The following UPRT variants were observed in gnomAD, a reference collection of about 807,000 sequenced individuals.
UPRT encodes uracil phosphoribosyltransferase homolog, also known as RP11-311P8.3.
In UPRT, 5 loss-of-function variants were observed where a neutral mutation model predicts 22.6. The observed-to-expected ratio is 0.22, with a 90% CI of 0.12 to 0.47. The LOEUF (loss-of-function observed/expected upper bound fraction) is 0.47. Ranked by LOEUF, UPRT falls within the 20% of genes least tolerant of loss-of-function variation. The pLI is 0.99. For missense variants in UPRT, 181 were observed against 239.9 expected, an observed-to-expected ratio of 0.75 and a Z score of 1.62; for synonymous variants, 77 against 87.7, an observed-to-expected ratio of 0.88 and a Z score of 0.68.
intron 1 of UPRT, among the ~76,000 whole-genome samples, chrX:75,287,724 A>C (rs1347656962): frequency 9.0e-6 from 1 of 111,541 alleles, no homozygotes; most frequent in Non-Finnish European, 1.9e-5. Context: ...TCAAAAAGTT[A>C]AAAAGATCTC....
intron 4 of UPRT, among the ~76,000 whole-genome samples, chrX:75,265,085 C>T (rs984531350): frequency 4.5e-5 from 5 of 111,595 alleles, no homozygotes; most frequent in Admixed American, 2.9e-4. Flanking sequence ...GTGGGTAACC[C>T]GACCTTTCTC....
intron 4 of UPRT, among the ~76,000 whole-genome samples, chrX:75,249,650 G>A (rs1369496137): frequency 5.4e-5 from 6 of 110,680 alleles, no homozygotes; most frequent in South Asian, 3.9e-4. Context: ...AGACAGATCT[G>A]TGAGACAGAA....
At chrX:75,247,929 C>T (rs972164282) in intron 4 of UPRT, among the ~76,000 whole-genome samples, 5 of 111,995 alleles carry the variant, frequency 4.5e-5, no homozygotes, top group Non-Finnish European at 7.5e-5. Context: ...ATCCGCTGTT[C>T]TGCAGCCATT....
At position 75,295,408 on chromosome X, in the gene UPRT, A is replaced by G. The variant is rs146819253; in HGVS notation, c.430-934A>G. On this transcript the variant is annotated intron_variant, in intron 2 of 6. Coordinates refer to ENST00000373383, the MANE Select transcript of UPRT (RefSeq NM_145052.4). ...TTTTACCCTTGTAATTTGCTCATAA[A>G]AAAAAATCTCCACAGAAGATGGTGG... Among the ~76,000 whole-genome samples the G allele has an allele frequency of 7.9e-3, 882 of 111,440 alleles. 11 individuals are homozygous for G. Among genetic ancestry groups the G allele is most frequent in the African/African-American group, 0.026 (812 of 30,672 alleles).
chrX:75,260,428 CA>C (rs775987532), intron 4 of UPRT, among the ~76,000 whole-genome samples: 1 of 107,297 alleles, frequency 9.3e-6, no homozygotes, highest in African/African-American at 3.4e-5. Context: ...AAATGGAAAG[CA>C]AAAAAAAAGC....
At chrX:75,234,859 A>T (rs946107559) in intron 4 of UPRT, among the ~76,000 whole-genome samples, 9 of 111,786 alleles carry the variant, frequency 8.1e-5, no homozygotes, top group African/African-American at 2.9e-4. Flanking sequence ...TGACACCTTA[A>T]CATCACAATT....
At chrX:75,301,221 G>A (rs1183731525) in intron 6 of UPRT, among the ~76,000 whole-genome samples, 1 of 111,839 alleles carries the variant, frequency 8.9e-6, no homozygotes, top group Non-Finnish European at 1.9e-5. Context: ...TCCTGGTTTG[G>A]CCTGCAAATG....
rs146290135 is a variant in UPRT at position 75,238,679 on chromosome X, C to T, written c.-446-52345C>T. 3.0e-3 allele frequency among the ~76,000 whole-genome samples: 338 copies of T among 111,463 alleles called. 2 individuals are homozygous for T. Among genetic ancestry groups the T allele is most frequent in the African/African-American group, 0.01 (308 of 30,740 alleles). ...AGAATATACATTCTTTTCATCAGCA[C>T]ATGGAACATTCTCCAAGATAGACCA... is the stretch of plus-strand genomic sequence containing the variant. On this transcript the variant is annotated intron_variant, in intron 4 of 13. Transcript: ENST00000652605.
At chrX:75,290,104 C>T (rs890238965) in intron 1 of UPRT, among the ~76,000 whole-genome samples, 4 of 111,326 alleles carry the variant, frequency 3.6e-5, no homozygotes, top group African/African-American at 1.3e-4. Context: ...ACACATTGAA[C>T]GAGCAAAAAA....
chrX:75,249,008 C>G (rs2082517874), intron 4 of UPRT, among the ~76,000 whole-genome samples: 1 of 111,215 alleles, frequency 9.0e-6, no homozygotes, highest in Admixed American at 9.6e-5. Flanking sequence ...CAAGCAAATG[C>G]CGAGAGATTT....
chrX:75,162,846 C>T (rs944989339), intron 2 of UPRT, among the ~76,000 whole-genome samples: 3 of 111,531 alleles, frequency 2.7e-5, no homozygotes, highest in African/African-American at 9.8e-5. Flanking sequence ...TCAGGTACAT[C>T]GAGGTAGTAC....
chrX:75,253,045 G>T lies in UPRT; in HGVS notation c.-446-37979G>T, dbSNP rs139223620. Reference sequence around the variant, plus strand: ...CATTACACTGTGGGGACTGTTGTGGGGTTGGAGGAGGGGGGAGGGATAGCA... The same window carrying T: ...CATTACACTGTGGGGACTGTTGTGGTGTTGGAGGAGGGGGGAGGGATAGCA... On this transcript the variant is annotated intron_variant, in intron 4 of 13. Coordinates refer to the UPRT transcript ENST00000652605. Among the ~76,000 whole-genome samples the T allele has an allele frequency of 8.3e-3, 923 of 110,773 alleles. 12 individuals are homozygous for T. Among genetic ancestry groups the T allele is most frequent in the African/African-American group, 0.028 (847 of 30,368 alleles).
chrX:75,238,492 C>T (rs1001801715), intron 4 of UPRT, among the ~76,000 whole-genome samples: 3 of 111,557 alleles, frequency 2.7e-5, no homozygotes, highest in African/African-American at 9.8e-5. Context: ...ATATTTACTA[C>T]CAGACCTAAG....
intron 4 of UPRT, among the ~76,000 whole-genome samples, chrX:75,232,460 C>T: frequency 8.9e-6 from 1 of 112,859 alleles, no homozygotes; most frequent in South Asian, 3.6e-4. Context: ...GGCCTCCCTG[C>T]CTCTGTAGGC....
chrX:75,171,882 A>G (rs1009824715), intron 4 of UPRT, among the ~76,000 whole-genome samples: 31 of 111,589 alleles, frequency 2.8e-4, no homozygotes, highest in African/African-American at 8.8e-4. Context: ...CAGGGCTCCC[A>G]GGCTCCAGGT....
intron 4 of UPRT, among the ~76,000 whole-genome samples, chrX:75,220,928 T>A (rs2147635395): frequency 8.9e-6 from 1 of 112,048 alleles, no homozygotes; most frequent in African/African-American, 3.2e-5. Flanking sequence ...TACTTTCAGA[T>A]GATTTCTTGT....
chrX:75,191,266 A>G (rs529496522), intron 4 of UPRT, among the ~76,000 whole-genome samples: 3 of 112,445 alleles, frequency 2.7e-5, no homozygotes, highest in African/African-American at 9.7e-5. Flanking sequence ...TTGCCTGGTT[A>G]TCAGCAGTGA....
chrX:75,270,041 C>T (rs189074771), upstream of UPRT, among the ~76,000 whole-genome samples: 229 of 111,178 alleles, frequency 2.1e-3, no homozygotes, highest in African/African-American at 7.1e-3. Flanking sequence ...TCTATAAAAA[C>T]GTAAATAAAT....
At position 75,274,372 on chromosome X, in the gene UPRT, G is replaced by A. The variant is rs140682033; in HGVS notation, c.118G>A (p.Gly40Arg). 732 of 1,209,851 alleles carry A rather than the reference G, an allele frequency of 6.1e-4. 1 individual carries two copies. Among genetic ancestry groups the A allele is most frequent in the South Asian group, 4.1e-3 (235 of 56,726 alleles). Residue 40 changes from glycine (G) to arginine (R), a missense_variant, in exon 1 of 7, where the codon GGG becomes AGG. This residue lies in a region of UPRT where 111 missense variants were observed against 102.8 expected (regional missense o/e 1.08). Coordinates refer to ENST00000373383, the MANE Select transcript of UPRT (RefSeq NM_145052.4). ...TGGCGATCTGATCCTGGACCACGCA[G>A]GGGGAAACAGAGCCTCCAGGGCCAA... ...RPGDLILDHA[G>R]GNRASRAKVI...
Sources: gnomAD v4.1 joint callset for allele counts (sites outside exome capture counted in the v4.1 genomes callset) on GRCh38, gnomAD v4.1.1 for gene constraint, gnomAD v4.1.1 regional missense constraint, MANE v1.5 for transcripts, NCBI Gene and HGNC (gene_info 2026-07-23, HGNC 2026-07-21) for gene names.